The following AP3S1 variants were observed in gnomAD, a reference collection of about 807,000 sequenced individuals.
AP3S1 encodes adaptor related protein complex 3 subunit sigma 1, also known as AP-3 complex subunit sigma-1.
A neutral mutation model predicts 21.3 loss-of-function variants in AP3S1; 12 were observed. The ratio of observed to expected loss-of-function variants is 0.56; its 90% CI spans 0.36 to 0.91. The LOEUF (loss-of-function observed/expected upper bound fraction) is 0.91. Ranked by LOEUF, AP3S1 falls within the 40% of genes least tolerant of loss-of-function variation. The pLI is 0.01. For synonymous variants in AP3S1, 48 were observed against 78.4 expected (o/e 0.61, Z 2.05); for missense variants, 116 against 225.0 (o/e 0.52, Z 3.10).
intron 1 of AP3S1, among the ~76,000 whole-genome samples, chr5:115,856,776 G>GT (rs1196073034): frequency 6.6e-6 from 1 of 152,136 alleles, no homozygotes; most frequent in Admixed American, 6.5e-5. Context: ...ACCTAGCAAC[G>GT]TATCTATAAT....
At chr5:115,889,792 A>T (rs561404449) in intron 3 of AP3S1, among the ~76,000 whole-genome samples, 1 of 151,188 alleles carries the variant, frequency 6.6e-6, no homozygotes, top group African/African-American at 2.4e-5. Context: ...CCTGGGCAAC[A>T]TAGTGAAACC....
At chr5:115,884,524 G>GAAATCAC (rs1422236949) in intron 3 of AP3S1, among the ~76,000 whole-genome samples, 2 of 152,168 alleles carry the variant, frequency 1.3e-5, no homozygotes, top group East Asian at 3.9e-4. Context: ...GCTGTGAGTT[G>GAAATCAC]AAATCACACC....
At chr5:115,862,360 G>A (rs1256323297) in intron 1 of AP3S1, among the ~76,000 whole-genome samples, 1 of 152,010 alleles carries the variant, frequency 6.6e-6, no homozygotes, top group Non-Finnish European at 1.5e-5. Flanking sequence ...TGTTATCAAT[G>A]CATAAAACAC....
intron 5 of AP3S1, among the ~76,000 whole-genome samples, chr5:115,907,922 G>C (rs1274939911): frequency 1.3e-5 from 2 of 151,986 alleles, no homozygotes; most frequent in African/African-American, 4.8e-5. Context: ...CAAAATAAAA[G>C]TAATTTATTG....
chr5:115,872,591 T>A (rs1748364777), intron 3 of AP3S1, among the ~76,000 whole-genome samples: 1 of 152,186 alleles, frequency 6.6e-6, no homozygotes, highest in African/African-American at 2.4e-5. Context: ...AATTTTGAGC[T>A]TGAGGTAAAG....
chr5:115,870,309 A>G (rs1500270), intron 3 of AP3S1, among the ~76,000 whole-genome samples, 181 bp downstream of exon 3: 4,604 of 152,278 alleles, frequency 0.03, 255 homozygotes, highest in African/African-American at 0.11. Flanking sequence ...GATCTGATTA[A>G]AACTATCATA....
chr5:115,912,396 A>C lies in AP3S1; in HGVS notation c.454-966A>C, dbSNP rs910403284. 8.5e-5 allele frequency among the ~76,000 whole-genome samples: 13 copies of C among 152,146 alleles called. 1 individual carries two copies. In the South Asian group the frequency reaches 1.9e-3, roughly 22 times the overall value. ...AAGTAATGAAATGTAATTGGTATAT[A>C]AATTAAACCTCAAATATGAAGGCTG... On this transcript the variant is annotated intron_variant, in intron 5 of 5. Coordinates refer to ENST00000316788, the MANE Select transcript of AP3S1 (RefSeq NM_001284.4).
chr5:115,908,956 G>T, intron 5 of AP3S1: 1 of 978,210 alleles, frequency 1.0e-6, no homozygotes, highest in Non-Finnish European at 1.2e-6. Context: ...TATTAATGTT[G>T]GTGTTCTTTC....
chr5:115,855,063 C>CTATCTCTG (rs1175210507), intron 1 of AP3S1, among the ~76,000 whole-genome samples: 13 of 149,904 alleles, frequency 8.7e-5, no homozygotes, highest in African/African-American at 3.2e-4. Context: ...ATCTATCTAT[C>CTATCTCTG]TCTGTCTCTG....
intron 1 of AP3S1, among the ~76,000 whole-genome samples, chr5:115,860,702 T>G (rs571678239): frequency 6.6e-5 from 10 of 152,208 alleles, no homozygotes; most frequent in Non-Finnish European, 1.5e-4. Flanking sequence ...TTAAACACTT[T>G]CAAGATTTTG....
rs7731448 is a variant in AP3S1, at chr5:115,843,236, G to T, written c.69+1130G>T. Among the ~76,000 whole-genome samples, 757 of 152,312 alleles carry T rather than the reference G, an allele frequency of 5.0e-3. 9 individuals are homozygous for T. The highest frequency in any genetic ancestry group is 0.017 in the African/African-American group (721 of 41,562). On this transcript the variant is annotated intron_variant, in intron 1 of 5. Transcript: ENST00000316788. ...GAGCTTTCAATTCAATTTTGAAATT[G>T]TGCCAAGGCTAACACTTTTATGCAG...
intron 3 of AP3S1, among the ~76,000 whole-genome samples, chr5:115,880,814 ACTATTATGTGGGAGT>A (rs1200935930): frequency 1.3e-5 from 2 of 152,108 alleles, no homozygotes; most frequent in African/African-American, 4.8e-5. Context: ...AAACTCTCCC[ACTATTATGTGGGAGT>A]CTGAATCTCT....
chr5:115,896,784 AAG>A (rs1269372575), intron 4 of AP3S1, among the ~76,000 whole-genome samples: 3 of 152,172 alleles, frequency 2.0e-5, no homozygotes, highest in African/African-American at 7.2e-5. Flanking sequence ...TGTATCAAAA[AAG>A]AAAAAAATTT....
At chr5:115,911,714 T>G (rs1228512804) in intron 5 of AP3S1, among the ~76,000 whole-genome samples, 1 of 151,870 alleles carries the variant, frequency 6.6e-6, no homozygotes, top group African/African-American at 2.4e-5. Context: ...ACGATCAAAT[T>G]AAAGACCCTT....
chr5:115,883,087 G>T (rs1454046532), intron 3 of AP3S1, among the ~76,000 whole-genome samples: 1 of 152,208 alleles, frequency 6.6e-6, no homozygotes, highest in Non-Finnish European at 1.5e-5. Flanking sequence ...ACTTCAGACT[G>T]CTGTGCTGGC....
Position 115,913,642 on chromosome 5 carries a change from A to G in AP3S1, c.*152A>G, listed in dbSNP as rs1752282911. The stretch of plus-strand genomic sequence containing the variant: ...TGTATAGAAGTTGTGTAAAATCAGT[A>G]TGAAAGTTCAATGTTGCTGTTCTTG... On this transcript the variant is annotated 3_prime_UTR_variant, in exon 6 of 6. Transcript: ENST00000316788. The G allele has an allele frequency of 3.2e-6, 4 of 1,265,886 alleles. No homozygotes were observed. The highest frequency in any genetic ancestry group is 3.2e-6 in the Non-Finnish European group (3 of 936,048). 78.4% of individuals were successfully genotyped at this position (1,265,886 alleles called of 1,614,324 possible). A position where few individuals can be genotyped will look rare whatever the true frequency, so the allele number is the denominator to read the frequency against.
chr5:115,855,844 T>C (rs1762765448), intron 1 of AP3S1, among the ~76,000 whole-genome samples: 3 of 151,732 alleles, frequency 2.0e-5, no homozygotes, highest in African/African-American at 7.3e-5. Flanking sequence ...GAAAATACTT[T>C]CCTAAATTTT....
At chr5:115,884,704 A>C (rs888008811) in intron 3 of AP3S1, among the ~76,000 whole-genome samples, 12 of 152,260 alleles carry the variant, frequency 7.9e-5, no homozygotes, top group African/African-American at 2.9e-4. Flanking sequence ...AATATCAACT[A>C]TACAGAGTCT....
intron 1 of AP3S1, among the ~76,000 whole-genome samples, chr5:115,848,997 A>G (rs1342320151): frequency 6.6e-6 from 1 of 152,154 alleles, no homozygotes; most frequent in South Asian, 2.1e-4. Context: ...TAGGCCTTCT[A>G]GAGATAGGCC....
Sources: allele counts gnomAD v4.1 joint callset (sites outside exome capture counted in the v4.1 genomes callset), GRCh38; gene constraint gnomAD v4.1.1; transcripts MANE v1.5; gene names NCBI Gene and HGNC (gene_info 2026-07-23, HGNC 2026-07-21).